ARIH1: variants seen among roughly 807,000 people sequenced by gnomAD.
The protein encoded by ARIH1 is ariadne RBR E3 ubiquitin protein ligase 1.
ARIH1 carries 8 observed loss-of-function variants against 85.0 expected under a neutral mutation model. The observed-to-expected ratio is 0.09, with a 90% CI of 0.06 to 0.17. The LOEUF (loss-of-function observed/expected upper bound fraction) is 0.17, where lower values mean the gene tolerates loss of function less well. Ranked by LOEUF, ARIH1 falls within the 10% of genes least tolerant of loss-of-function variation. The pLI is 1.00. For synonymous variants in ARIH1, 238 were observed against 253.6 expected, an observed-to-expected ratio of 0.94 and a Z score of 0.59; for missense variants, 311 against 718.1, an observed-to-expected ratio of 0.43 and a Z score of 6.48.
At chr15:72,581,104 T>C in intron 12 of ARIH1, 113 bp downstream of exon 12, 1 of 1,072,016 alleles carries the variant, frequency 9.3e-7, no homozygotes, top group Non-Finnish European at 1.3e-6. Flanking sequence ...AACATGTAGG[T>C]AGACGAATGT....
intron 2 of ARIH1, among the ~76,000 whole-genome samples, chr15:72,533,169 C>G (rs1029588000): frequency 6.6e-6 from 1 of 152,154 alleles, no homozygotes; most frequent in Non-Finnish European, 1.5e-5. Context: ...TGCTCTGTCT[C>G]CCAGGCTGGG....
rs1323025507 is a variant in ARIH1 at position 72,590,800 on chromosome 15, T to G, written c.*7508T>G. The G allele has an allele frequency of 6.6e-6, 1 of 152,220 alleles. No individual in the cohort carries two copies. The highest frequency in any genetic ancestry group is 1.5e-5 in the Non-Finnish European group (1 of 68,052). 9.4% of individuals were successfully genotyped at this position (152,220 alleles called of 1,614,324 possible). A position where few individuals can be genotyped will look rare whatever the true frequency, so the allele number is the denominator to read the frequency against. On this transcript the variant is annotated 3_prime_UTR_variant, in exon 14 of 14. Coordinates refer to ENST00000379887, the MANE Select transcript of ARIH1 (RefSeq NM_005744.5). Reference sequence around the variant, plus strand: ...CCTCAGCAACAATTTATGTCTTATTTGGCACCTGTAAAACCCTCTTCACTG... The same window carrying G: ...CCTCAGCAACAATTTATGTCTTATTGGGCACCTGTAAAACCCTCTTCACTG...
chr15:72,530,017 C>A (rs1469710039), intron 2 of ARIH1, among the ~76,000 whole-genome samples: 1 of 151,922 alleles, frequency 6.6e-6, no homozygotes, highest in East Asian at 1.9e-4. Context: ...TTTTAACTAT[C>A]CAGGTAAAAG....
At chr15:72,532,208 A>G (rs1311365936) in intron 2 of ARIH1, among the ~76,000 whole-genome samples, 1 of 151,390 alleles carries the variant, frequency 6.6e-6, no homozygotes, top group Non-Finnish European at 1.5e-5. Flanking sequence ...CACTTTGATG[A>G]GGTTAGGAAA....
chr15:72,516,732 G>A (rs1457149673), intron 1 of ARIH1, among the ~76,000 whole-genome samples: 1 of 152,094 alleles, frequency 6.6e-6, no homozygotes, highest in Non-Finnish European at 1.5e-5. Flanking sequence ...TGTAACAAAT[G>A]GTACTGTCGA....
Position 72,572,146 on chromosome 15 carries a change from C to T in ARIH1, c.1196C>T (p.Ala399Val), listed in dbSNP as rs759517486. The T allele has an allele frequency of 6.2e-7, 1 of 1,608,678 alleles. No individual in the cohort carries two copies. Among genetic ancestry groups the T allele is most frequent in the Non-Finnish European group, 8.5e-7 (1 of 1,176,078 alleles). ...CNRYNEDDAKAARDAQERSRA... is the reference protein window; with the variant it reads ...CNRYNEDDAKVARDAQERSRA... Reference sequence around the variant, plus strand: ...CGCTATAATGAGGATGATGCAAAGGCAGCAAGAGATGCACAGGAGGTAAGT... The same window carrying T: ...CGCTATAATGAGGATGATGCAAAGGTAGCAAGAGATGCACAGGAGGTAAGT... The change falls in exon 11 of 14, where the codon GCA becomes GTA. Residue 399 changes from alanine to valine, a missense_variant. By Grantham distance (64) the Ala-to-Val change is moderately conservative. This residue lies in a region of ARIH1 where 50 missense variants were observed against 311.7 expected (regional missense o/e 0.16). Coordinates refer to ENST00000379887, the MANE Select transcript of ARIH1 (RefSeq NM_005744.5).
rs767704456 is a variant in ARIH1 at position 72,585,524 on chromosome 15, T to C, written c.*2232T>C. ...TAAAATGCTTTGTGTATGTGTGGTG[T>C]TTAAAAAAAAAAAATCTTACCAGTT... On this transcript the variant is annotated 3_prime_UTR_variant, in exon 14 of 14. Transcript: ENST00000379887. 5 of 151,550 alleles carry C rather than the reference T, an allele frequency of 3.3e-5. No homozygotes were observed. Among genetic ancestry groups the C allele is most frequent in the Non-Finnish European group, 7.4e-5 (5 of 67,980 alleles). 9.4% of individuals were successfully genotyped at this position (151,550 alleles called of 1,614,324 possible).
chr15:72,525,722 G>A (rs900921784), intron 2 of ARIH1, among the ~76,000 whole-genome samples: 1 of 152,042 alleles, frequency 6.6e-6, no homozygotes, highest in African/African-American at 2.4e-5. Context: ...TCTTCCTTCA[G>A]TTCTCTTGGA....
At position 72,601,793 on chromosome 15, in the gene ARIH1, G is replaced by A. The variant is rs1254838997; in HGVS notation, c.*18501G>A. ...GTACAAAATTCAAAATGTATTAAAG[G>A]TATAGAGTAAAAAGTCTTCTCTTCC... On this transcript the variant is annotated 3_prime_UTR_variant, in exon 14 of 14. Transcript: ENST00000379887. The A allele has an allele frequency of 3.3e-5, 5 of 152,132 alleles. No individual in the cohort carries two copies. The highest frequency in any genetic ancestry group is 1.9e-4 in the East Asian group (1 of 5,200). 9.4% of individuals were successfully genotyped at this position (152,132 alleles called of 1,614,324 possible).
intron 2 of ARIH1, among the ~76,000 whole-genome samples, chr15:72,536,954 A>G (rs1405085244): frequency 2.0e-5 from 3 of 152,150 alleles, no homozygotes; most frequent in Non-Finnish European, 4.4e-5. Flanking sequence ...AAAGTATTCT[A>G]CTTTTTCTGA....
intron 12 of ARIH1, 22 bp downstream of exon 12, chr15:72,581,013 G>C: frequency 1.2e-6 from 2 of 1,601,918 alleles, no homozygotes; most frequent in South Asian, 2.2e-5. Context: ...TCTGGGTGAG[G>C]AAAAAGCCCA....
intron 9 of ARIH1, among the ~76,000 whole-genome samples, 159 bp downstream of exon 9, chr15:72,567,336 C>T (rs2064225257): frequency 1.4e-5 from 2 of 146,856 alleles, no homozygotes; most frequent in South Asian, 4.3e-4. Context: ...CCTGTTATTT[C>T]CTTTTTCTCT....
intron 5 of ARIH1, among the ~76,000 whole-genome samples, chr15:72,558,310 G>C (rs564343473): frequency 6.6e-6 from 1 of 152,242 alleles, no homozygotes; most frequent in South Asian, 2.1e-4. Flanking sequence ...TTTTAATTCT[G>C]TTTATGTGGT....
chr15:72,522,391 G>T (rs1410280521), intron 2 of ARIH1, among the ~76,000 whole-genome samples: 1 of 152,106 alleles, frequency 6.6e-6, no homozygotes, highest in Non-Finnish European at 1.5e-5. Context: ...ATGGACACCT[G>T]TTATTCCAGC....
rs1391187295 is a variant in ARIH1 at position 72,587,516 on chromosome 15, A to G, written c.*4224A>G. 1.1e-5 allele frequency: 3 copies of G among 262,288 alleles called. No homozygotes were observed. The highest frequency in any genetic ancestry group is 2.2e-5 in the Non-Finnish European group (3 of 134,254). 16.2% of individuals were successfully genotyped at this position (262,288 alleles called of 1,614,324 possible). ...TTATTCAAATGAATTTCCATTGTAA[A>G]GAATTTTGGATAGTCTGCAGGAAAT... On this transcript the variant is annotated 3_prime_UTR_variant, in exon 14 of 14. Transcript: ENST00000379887.
intron 1 of ARIH1, 65 bp downstream of exon 1, chr15:72,475,079 CG>C (rs761983073): frequency 2.6e-6 from 4 of 1,538,332 alleles, no homozygotes; most frequent in East Asian, 2.5e-5. Context: ...GCGGCACGCG[CG>C]GTCCCGAGGG....
At chr15:72,540,868 G>T (rs900463560) in intron 2 of ARIH1, among the ~76,000 whole-genome samples, 1 of 152,032 alleles carries the variant, frequency 6.6e-6, no homozygotes, top group Non-Finnish European at 1.5e-5. Flanking sequence ...TCCAATATAC[G>T]CTATTTTTAA....
chr15:72,516,891 T>C (rs1422369987), intron 1 of ARIH1, among the ~76,000 whole-genome samples: 1 of 152,210 alleles, frequency 6.6e-6, no homozygotes, highest in African/African-American at 2.4e-5. Flanking sequence ...AGTAAAATTA[T>C]ATATGAGATA....
At chr15:72,572,237 ATTT>A (rs5813687) in intron 11 of ARIH1, 72 bp downstream of exon 11, 17,760 of 672,650 alleles carry the variant, frequency 0.026, 4 homozygotes, top group East Asian at 0.039. Context: ...TTAGAGAATA[ATTT>A]TTTTTTTTTT....
Sources: gnomAD v4.1 joint callset for allele counts (sites outside exome capture counted in the v4.1 genomes callset) on GRCh38, gnomAD v4.1.1 for gene constraint, gnomAD v4.1.1 regional missense constraint, MANE v1.5 for transcripts, NCBI Gene and HGNC (gene_info 2026-07-23, HGNC 2026-07-21) for gene names.